NBR1: variants seen among roughly 807,000 people sequenced by gnomAD.
The protein encoded by NBR1 is NBR1 autophagy cargo receptor.
In NBR1, 59 loss-of-function variants were observed where a neutral mutation model predicts 115.5. That is an observed-to-expected ratio of 0.51 (90% CI 0.41 to 0.63). The LOEUF (loss-of-function observed/expected upper bound fraction) is 0.63, where lower values mean the gene tolerates loss of function less well. Ranked by LOEUF, NBR1 falls within the 30% of genes least tolerant of loss-of-function variation. The pLI, the probability that NBR1 is intolerant of heterozygous loss-of-function variation, is 0.00. For synonymous variants in NBR1, 373 were observed against 414.7 expected, an observed-to-expected ratio of 0.90 and a Z score of 1.22; for missense variants, 1,043 against 1,150.5, an observed-to-expected ratio of 0.91 and a Z score of 1.35.
chr17:43,171,101 A>C (rs1158352803), upstream of NBR1: 1 of 152,798 alleles, frequency 6.5e-6, no homozygotes, highest in African/African-American at 2.4e-5. Flanking sequence ...CCATCGACGC[A>C]ATCTCCACCA....
rs781163131 is a variant in NBR1, at chr17:43,211,281, C to A, written c.*1207C>A. ...TAACAAAAAATGCTAAATATTTTATCCATGAAAATGACTTCCAGAAAAGGA... is the reference window on the plus strand; with the variant it reads ...TAACAAAAAATGCTAAATATTTTATACATGAAAATGACTTCCAGAAAAGGA... On this transcript the variant is annotated 3_prime_UTR_variant, in exon 21 of 21. Transcript: ENST00000590996. The A allele has an allele frequency of 6.6e-6, 1 of 152,584 alleles. No individual in the cohort carries two copies. The highest frequency in any genetic ancestry group is 1.5e-5 in the Non-Finnish European group (1 of 68,062). The allele number at this position is 152,584 out of a possible 1,614,324, so 9.5% of individuals were successfully genotyped here.
intron 20 of NBR1, among the ~76,000 whole-genome samples, chr17:43,206,770 A>C (rs1040839190): frequency 4.6e-5 from 7 of 151,938 alleles, no homozygotes; most frequent in African/African-American, 1.5e-4. Context: ...AAGTGGCTAA[A>C]AAGAAGGATA....
At chr17:43,177,311 T>C (rs1597965049) in intron 2 of NBR1, among the ~76,000 whole-genome samples, 1 of 146,492 alleles carries the variant, frequency 6.8e-6, no homozygotes, top group African/African-American at 2.5e-5. Context: ...TTTTTTTTTT[T>C]CTTATCTTGA....
chr17:43,191,541 T>A lies in NBR1; in HGVS notation c.1033T>A (p.Leu345Ile). 1.2e-6 allele frequency: 2 copies of A among 1,613,262 alleles called. No homozygotes were observed. Among genetic ancestry groups the A allele is most frequent in the South Asian group, 2.2e-5 (2 of 90,900 alleles). The change falls in exon 10 of 21, where the codon TTA becomes ATA. Residue 345 changes from leucine (L) to isoleucine (I), a missense_variant. By Grantham distance (5) the Leu-to-Ile change is conservative. Coordinates refer to ENST00000590996, the MANE Select transcript of NBR1 (RefSeq NM_005899.5). ...TGGACTCCAGAGCCCCAAGTCTCCTTTAGGCCGACCTGAGAGCTTGCTCCA... is the reference window on the plus strand; with the variant it reads ...TGGACTCCAGAGCCCCAAGTCTCCTATAGGCCGACCTGAGAGCTTGCTCCA... ...IHGLQSPKSPLGRPESLLQSN... is the reference protein window; with the variant it reads ...IHGLQSPKSPIGRPESLLQSN...
intron 20 of NBR1, among the ~76,000 whole-genome samples, chr17:43,205,270 C>G (rs1403850579): frequency 6.6e-6 from 1 of 152,126 alleles, no homozygotes; most frequent in African/African-American, 2.4e-5. Context: ...AGGAGAATCA[C>G]TTGAACCTGG....
chr17:43,208,684 G>A (rs754733671), intron 20 of NBR1, among the ~76,000 whole-genome samples: 53 of 152,286 alleles, frequency 3.5e-4, no homozygotes, highest in Non-Finnish European at 6.0e-4. Flanking sequence ...CAGAACCAGA[G>A]GCCAGGCGAG....
At chr17:43,180,731 A>T in intron 4 of NBR1, 64 bp from the exon 5 acceptor site, 1 of 1,362,220 alleles carries the variant, frequency 7.3e-7, no homozygotes, top group Non-Finnish European at 9.5e-7. Context: ...AAATAATTTT[A>T]AAATAATAGA....
intron 2 of NBR1, among the ~76,000 whole-genome samples, chr17:43,177,271 CAA>C (rs35199211): frequency 3.7e-5 from 3 of 80,930 alleles, no homozygotes; most frequent in Non-Finnish European, 4.6e-5. Flanking sequence ...AGACCCATCT[CAA>C]AAAAAAAAAA....
At chr17:43,174,513 G>A (rs919140904) in intron 1 of NBR1, among the ~76,000 whole-genome samples, 4 of 152,102 alleles carry the variant, frequency 2.6e-5, no homozygotes, top group Admixed American at 2.6e-4. Context: ...TGAGAGAATC[G>A]CTTGAAACCA....
Position 43,210,861 on chromosome 17 carries a change from A to G in NBR1, c.*787A>G. ...TTATAGAAAAGGAAAAAATCCCGTT[A>G]TTTAAAGGGAAAAGTAAATTTAACA... On this transcript the variant is annotated 3_prime_UTR_variant, in exon 21 of 21. Transcript: ENST00000590996. 2.5e-6 allele frequency: 1 copy of G among 397,280 alleles called. No homozygotes were observed. Among genetic ancestry groups the G allele is most frequent in the Admixed American group, 4.4e-5 (1 of 22,724 alleles). The allele number at this position is 397,280 out of a possible 1,614,324, so 24.6% of individuals were successfully genotyped here. A position where few individuals can be genotyped will look rare whatever the true frequency, so the allele number is the denominator to read the frequency against.
At chr17:43,182,211 C>CTTTTTT (rs752789312) in intron 5 of NBR1, among the ~76,000 whole-genome samples, 22 of 71,606 alleles carry the variant, frequency 3.1e-4, no homozygotes, top group South Asian at 5.8e-4. Flanking sequence ...CTGTTCTCTC[C>CTTTTTT]TTTTTTTTTT....
intron 17 of NBR1, among the ~76,000 whole-genome samples, 175 bp from the exon 18 acceptor site, chr17:43,201,511 A>G (rs2057196798): frequency 6.6e-6 from 1 of 152,214 alleles, no homozygotes; most frequent in South Asian, 2.1e-4. Context: ...GCTAAAGAGG[A>G]AAATGGGGTA....
rs775799350 is a variant in NBR1 at position 43,189,070 on chromosome 17, A to T, written c.431A>T (p.Asp144Val). 1 of 1,613,276 alleles carries T rather than the reference A, an allele frequency of 6.2e-7. No individual in the cohort carries two copies. Among genetic ancestry groups the T allele is most frequent in the African/African-American group, 1.3e-5 (1 of 74,918 alleles). ...QSFPLVPCDTDQPQDKPPDWF... is the reference protein window; with the variant it reads ...QSFPLVPCDTVQPQDKPPDWF... ...TTTCCACTTGTTCCATGTGACACAGACCAGCCTCAAGACAAGCCCCCAGAC... is the reference window on the plus strand; with the variant it reads ...TTTCCACTTGTTCCATGTGACACAGTCCAGCCTCAAGACAAGCCCCCAGAC... Residue 144 changes from aspartate to valine, a missense_variant, in exon 7 of 21, where the codon GAC becomes GTC. Transcript: ENST00000590996.
intron 4 of NBR1, among the ~76,000 whole-genome samples, chr17:43,179,774 T>C (rs2154581980): frequency 6.6e-6 from 1 of 152,282 alleles, no homozygotes; most frequent in Non-Finnish European, 1.5e-5. Context: ...AAAGTTTATT[T>C]ATCAGATGTT....
chr17:43,187,884 CTCT>C (rs1333169731), intron 6 of NBR1, among the ~76,000 whole-genome samples: 20 of 116,768 alleles, frequency 1.7e-4, no homozygotes, highest in Admixed American at 9.0e-4. Flanking sequence ...ATTTGCATTT[CTCT>C]TTTTTTTTTT....
intron 19 of NBR1, 39 bp from the exon 20 acceptor site, chr17:43,203,642 T>G: frequency 7.8e-7 from 1 of 1,283,982 alleles, no homozygotes; most frequent in East Asian, 2.4e-5. Flanking sequence ...GGTAATGATT[T>G]GTGTTTGTTT....
At chr17:43,175,583 C>T (rs183618239) in intron 1 of NBR1, among the ~76,000 whole-genome samples, 1 of 152,164 alleles carries the variant, frequency 6.6e-6, no homozygotes, top group Non-Finnish European at 1.5e-5. Context: ...TGGTTTTAGC[C>T]TATCTTTCTT....
At position 43,174,699 on chromosome 17, in the gene NBR1, T is replaced by C. The variant is rs2056461592; in HGVS notation, c.-9-1092T>C. Among the ~76,000 whole-genome samples the C allele has an allele frequency of 2.6e-5, 4 of 152,078 alleles. 1 individual carries two copies. The South Asian group carries it at 8.3e-4, about 32-fold the overall frequency. On this transcript the variant is annotated intron_variant, in intron 1 of 20. Coordinates refer to ENST00000590996, the MANE Select transcript of NBR1 (RefSeq NM_005899.5). ...TCATTGTTGGGGCAGAAGTGGGAGA[T>C]GCGGGGGTATATGTGAATGAGGATA...
chr17:43,194,479 G>T lies in NBR1; in HGVS notation c.1654G>T (p.Val552Leu). 2 of 1,613,986 alleles carry T rather than the reference G, an allele frequency of 1.2e-6. No individual in the cohort carries two copies. Among genetic ancestry groups the T allele is most frequent in the South Asian group, 2.2e-5 (2 of 91,086 alleles). Residue 552 changes from valine (V) to leucine (L), a missense_variant, in exon 13 of 21, where the codon GTG becomes TTG. Transcript: ENST00000590996. The stretch of plus-strand genomic sequence containing the variant: ...TGAGAGGGAGCTCTACATCCCATCT[G>T]TGGATCTTCTGACTGCCCAGGTGGA... The part of the protein sequence containing the change: ...ASERELYIPS[V>L]DLLTAQDLLS...
Sources: gnomAD v4.1 joint callset for allele counts (sites outside exome capture counted in the v4.1 genomes callset) on GRCh38, gnomAD v4.1.1 for gene constraint, MANE v1.5 for transcripts, NCBI Gene and HGNC (gene_info 2026-07-23, HGNC 2026-07-21) for gene names.